IHO1: variants seen among roughly 807,000 people sequenced by gnomAD.
The protein encoded by IHO1 is interactor of HORMAD1 protein 1.
IHO1 carries 13 observed loss-of-function variants against 31.0 expected under a neutral mutation model. That is an observed-to-expected ratio of 0.42 (90% confidence interval 0.27 to 0.67). The LOEUF is 0.67. Ranked by LOEUF, IHO1 falls within the 30% of genes least tolerant of loss-of-function variation. The pLI is 0.24. For missense variants in IHO1, 599 were observed against 687.5 expected, an observed-to-expected ratio of 0.87 and a Z score of 1.44; for synonymous variants, 221 against 248.4, an observed-to-expected ratio of 0.89 and a Z score of 1.04.
chr3:49,204,184 A>G (rs1301934281), intron 1 of IHO1, among the ~76,000 whole-genome samples: 6 of 152,122 alleles, frequency 3.9e-5, no homozygotes, highest in Non-Finnish European at 8.8e-5. Context: ...TCATGGCCTA[A>G]TCACCTCTTA....
upstream of IHO1, among the ~76,000 whole-genome samples, chr3:49,194,284 T>C (rs1249637163): frequency 1.1e-5 from 1 of 92,736 alleles, no homozygotes; most frequent in Non-Finnish European, 2.0e-5. Flanking sequence ...AAAAAAAAAG[T>C]ACAAAGTGTA....
chr3:49,227,132 T>C (rs2046427799), intron 2 of IHO1, among the ~76,000 whole-genome samples: 1 of 152,164 alleles, frequency 6.6e-6, no homozygotes, highest in African/African-American at 2.4e-5. Context: ...AAAAGAAAGC[T>C]TGGACATAAG....
chr3:49,225,331 T>A (rs748202244), intron 2 of IHO1, among the ~76,000 whole-genome samples: 3 of 151,958 alleles, frequency 2.0e-5, no homozygotes, highest in Non-Finnish European at 4.4e-5. Context: ...GGCATGGTGG[T>A]GGGTGCCTGT....
rs142774153 is a variant in IHO1 at position 49,206,391 on chromosome 3, C to T, written c.-15-5375C>T. 5.8e-3 allele frequency among the ~76,000 whole-genome samples: 885 copies of T among 151,594 alleles called. 9 individuals are homozygous for T. Among genetic ancestry groups the T allele is most frequent in the African/African-American group, 0.02 (844 of 41,272 alleles). ...GATTACAGGCGTGAGCCACCGCTCCCGGCCATTTTTGTATTTTTAATAGAG... is the reference window on the plus strand; with the variant it reads ...GATTACAGGCGTGAGCCACCGCTCCTGGCCATTTTTGTATTTTTAATAGAG... On this transcript the variant is annotated intron_variant, in intron 1 of 7. Transcript: ENST00000452691.
chr3:49,240,547 C>T (rs762311623), intron 3 of IHO1, among the ~76,000 whole-genome samples: 11 of 152,208 alleles, frequency 7.2e-5, no homozygotes, highest in African/African-American at 1.2e-4. Context: ...CTAGTAGTGA[C>T]GGGGTTTCAT....
intron 1 of IHO1, among the ~76,000 whole-genome samples, chr3:49,202,568 G>A (rs1490632206): frequency 2.0e-5 from 3 of 150,836 alleles, no homozygotes; most frequent in African/African-American, 7.3e-5. Context: ...AGTAGAGATG[G>A]GGTTTCACCG....
chr3:49,200,471 A>AGAAAGAAAGAAAGAAAGAAAGAAAGG (rs1553615423), intron 1 of IHO1: 1 of 339,376 alleles, frequency 2.9e-6, no homozygotes, highest in Non-Finnish European at 3.3e-6. Context: ...TCTCAAAAAA[A>AGAAAGAAAGAAAGAAAGAAAGAAAGG]AAAAAAAGAA....
chr3:49,211,692 A>G lies in IHO1; in HGVS notation c.-15-74A>G, dbSNP rs989892821. 2.1e-5 allele frequency: 14 copies of G among 656,640 alleles called. No individual in the cohort carries two copies. The South Asian group carries it at 2.1e-4, about 10-fold the overall frequency. The allele number at this position is 656,640 out of a possible 1,614,324, so 40.7% of individuals were successfully genotyped here. A position where few individuals can be genotyped will look rare whatever the true frequency, so the allele number is the denominator to read the frequency against. ...GCTGCTGGAATGTCTTCGTGTACAT[A>G]TAATAGTCACTAGTAATCTTTGGAA... On this transcript the variant is annotated intron_variant, in intron 1 of 7. Transcript: ENST00000452691.
At chr3:49,199,379 A>T (rs7649111), upstream of IHO1, 1 of 150,136 alleles carries the variant, frequency 6.7e-6, no homozygotes, top group East Asian at 2.0e-4. Flanking sequence ...GGGCCGCGCG[A>T]GTTGCCGTTA....
In IHO1 at chr3:49,256,018, C is replaced by T. The variant is rs1049008725; in HGVS notation, c.637-116C>T. The T allele has an allele frequency of 6.7e-6, 6 of 891,466 alleles. No individual in the cohort carries two copies. The highest frequency in any genetic ancestry group is 6.6e-5 in the South Asian group (4 of 60,384). 55.2% of individuals were successfully genotyped at this position (891,466 alleles called of 1,614,324 possible). On this transcript the variant is annotated intron_variant, in intron 7 of 7. Transcript: ENST00000452691. This position sits in a 1 kb window ranked among gnomAD's most constrained non-coding sequence, Gnocchi z 4.6. ...TAATTGTGCTTACCCTGAGAGGTTC[C>T]CTACAAGGAGCAAGCCTTGGTTCTG...
chr3:49,235,876 G>A (rs573588474), intron 2 of IHO1, among the ~76,000 whole-genome samples: 1 of 147,842 alleles, frequency 6.8e-6, no homozygotes, highest in Non-Finnish European at 1.5e-5. Context: ...GTTGCAGTGG[G>A]CCAAGATTGC....
chr3:49,228,381 A>T, intron 2 of IHO1: 1 of 444,838 alleles, frequency 2.2e-6, no homozygotes, highest in Non-Finnish European at 4.5e-6. Context: ...CCTGACAGCC[A>T]TGTCTTTAGT....
At chr3:49,200,475 A>AGAAAAGAAAAGAAAAGAAAG (rs1553615441) in intron 1 of IHO1, 1 of 103,858 alleles carries the variant, frequency 9.6e-6, no homozygotes, top group Non-Finnish European at 1.3e-5. Flanking sequence ...AAAAAAAAAA[A>AGAAAAGAAAAGAAAAGAAAG]AAAGAAAGAA....
intron 1 of IHO1, chr3:49,200,413 T>C: frequency 4.9e-6 from 1 of 202,892 alleles, no homozygotes. Context: ...GGCAGTGAGC[T>C]GAGATCGCGC....
chr3:49,208,420 G>T (rs551595196), intron 1 of IHO1, among the ~76,000 whole-genome samples: 1 of 152,180 alleles, frequency 6.6e-6, no homozygotes, highest in African/African-American at 2.4e-5. Flanking sequence ...ACATGCAAGG[G>T]ATCTAGGTTG....
At chr3:49,191,825 A>G in the IHO1 span, 1 of 1,517,292 alleles carries the variant, frequency 6.6e-7, no homozygotes. Flanking sequence ...TTTGGAGGGT[A>G]TCTTCAGGAA....
chr3:49,235,581 G>A (rs1640141574), intron 2 of IHO1, among the ~76,000 whole-genome samples: 1 of 152,004 alleles, frequency 6.6e-6, no homozygotes, highest in Non-Finnish European at 1.5e-5. Flanking sequence ...GCTAATGCAT[G>A]TACCTTATTT....
At chr3:49,223,957 C>G (rs1311186364) in intron 2 of IHO1, among the ~76,000 whole-genome samples, 2 of 152,054 alleles carry the variant, frequency 1.3e-5, no homozygotes, top group South Asian at 4.1e-4. Flanking sequence ...TACGATGGAC[C>G]AAAGGATTCT....
intron 3 of IHO1, among the ~76,000 whole-genome samples, chr3:49,238,226 G>A (rs550648186): frequency 1.7e-4 from 26 of 151,926 alleles, no homozygotes; most frequent in Non-Finnish European, 3.4e-4. Flanking sequence ...ATCAATCTGT[G>A]TTTTCTTGTG....
Sources: allele counts gnomAD v4.1 joint callset (sites outside exome capture counted in the v4.1 genomes callset), GRCh38; gene constraint gnomAD v4.1.1; non-coding constraint Gnocchi (gnomAD v3.1); transcripts MANE v1.5; gene names NCBI Gene and HGNC (gene_info 2026-07-23, HGNC 2026-07-21).